Variants in VAV2 observed in about 807,000 individuals in gnomAD.
The protein encoded by VAV2 is vav guanine nucleotide exchange factor 2, also known as guanine nucleotide exchange factor VAV2.
In VAV2, 67 loss-of-function variants were observed where a neutral mutation model predicts 132.5. That is an observed-to-expected ratio of 0.51 (90% confidence interval 0.42 to 0.62). VAV2 has a LOEUF of 0.62. VAV2 is among the 20% of genes least tolerant of loss of function. The pLI, the probability that VAV2 is intolerant of heterozygous loss-of-function variation, is 0.00. For missense variants in VAV2, 938 were observed against 1,153.6 expected (o/e 0.81, Z 2.71); for synonymous variants, 492 against 443.5 (o/e 1.11, Z -1.37).
At chr9:133,771,920 G>A in intron 26 of VAV2, 39 bp downstream of exon 26, 2 of 1,586,454 alleles carry the variant, frequency 1.3e-6, no homozygotes, top group Non-Finnish European at 1.7e-6. Flanking sequence ...TGTCCCCTGT[G>A]GCTGGGGTGG....
chr9:133,818,859 C>T (rs530741938), intron 4 of VAV2, among the ~76,000 whole-genome samples: 1 of 152,220 alleles, frequency 6.6e-6, no homozygotes, highest in East Asian at 1.9e-4. Flanking sequence ...ATGAACGATA[C>T]TCAGCCTCCC....
At chr9:133,892,611 T>C (rs1019976353) in intron 2 of VAV2, among the ~76,000 whole-genome samples, 1 of 152,112 alleles carries the variant, frequency 6.6e-6, no homozygotes, top group Non-Finnish European at 1.5e-5. Flanking sequence ...CCGTCCCTCC[T>C]GGGTCTCCGT....
intron 2 of VAV2, among the ~76,000 whole-genome samples, chr9:133,920,578 C>T (rs768951602): frequency 6.6e-6 from 1 of 152,162 alleles, no homozygotes; most frequent in Non-Finnish European, 1.5e-5. Context: ...CTGATACCAG[C>T]AGGGGAGGTG....
chr9:133,833,766 G>C lies in VAV2; in HGVS notation c.449+506C>G, dbSNP rs1470735872. Among the ~76,000 whole-genome samples, 1 of 152,128 alleles carries C rather than the reference G, an allele frequency of 6.6e-6. No homozygotes were observed. The highest frequency in any genetic ancestry group is 1.5e-5 in the Non-Finnish European group (1 of 68,000). On this transcript the variant is annotated intron_variant, in intron 4 of 29. Coordinates refer to ENST00000371850, the MANE Select transcript of VAV2 (RefSeq NM_001134398.2). This position sits in a 1 kb window ranked among gnomAD's most constrained non-coding sequence, Gnocchi z 5.6. ...CAGAGAGAGGAATGAGGTGGACACG[G>C]AGAAGAGCAGAGGCGGGTCCACCGA... is the stretch of plus-strand genomic sequence containing the variant.
chr9:133,942,154 C>T (rs1000791446), intron 1 of VAV2, among the ~76,000 whole-genome samples: 2 of 152,082 alleles, frequency 1.3e-5, no homozygotes, highest in African/African-American at 4.8e-5. Context: ...TGTATTTTAC[C>T]ACAATACAAA....
intron 29 of VAV2, among the ~76,000 whole-genome samples, chr9:133,766,921 T>G (rs1833458012): frequency 6.8e-6 from 1 of 148,036 alleles, no homozygotes; most frequent in African/African-American, 2.6e-5. Flanking sequence ...TTCCTTGCAT[T>G]GTCTGGGAAA....
intron 2 of VAV2, among the ~76,000 whole-genome samples, chr9:133,871,727 T>G (rs1044307188): frequency 2.6e-5 from 4 of 152,100 alleles, no homozygotes; most frequent in African/African-American, 9.7e-5. Context: ...CTGACCCTAT[T>G]TTGCCACTGA....
At position 133,912,153 on chromosome 9, in the gene VAV2, G is replaced by T. The variant is rs968597099; in HGVS notation, c.321+26950C>A. Among the ~76,000 whole-genome samples, 1 of 152,206 alleles carries T rather than the reference G, an allele frequency of 6.6e-6. No individual in the cohort carries two copies. Among genetic ancestry groups the T allele is most frequent in the African/African-American group, 2.4e-5 (1 of 41,456 alleles). On this transcript the variant is annotated intron_variant, in intron 2 of 29. Transcript: ENST00000371850. The surrounding 1 kb of genome is among the most constrained non-coding windows in gnomAD (Gnocchi z 4.3). ...GAGCTCAGGACAGCCACCAGCTCCC[G>T]CTGGTGAACTTAGATCAGCTGCGGC... is the stretch of plus-strand genomic sequence containing the variant.
chr9:133,908,119 C>A (rs987856645), intron 2 of VAV2, among the ~76,000 whole-genome samples: 1 of 151,184 alleles, frequency 6.6e-6, no homozygotes, highest in African/African-American at 2.4e-5. Flanking sequence ...CCCCTCCCAC[C>A]AAGCCCCCCT....
In VAV2 at chr9:133,939,187, C is replaced by G; in HGVS notation, c.237G>C (p.Leu79=). 2 of 1,614,222 alleles carry G rather than the reference C, an allele frequency of 1.2e-6. No homozygotes were observed. The highest frequency in any genetic ancestry group is 1.7e-6 in the Non-Finnish European group (2 of 1,180,036). Residue 79 remains leucine, a synonymous_variant, in exon 2 of 30, where the codon CTG becomes CTC. Transcript: ENST00000371850. ...FLCLKNIRTF[L]KVCHDKFGLR... is the part of the protein sequence containing the mutation. The stretch of plus-strand genomic sequence containing the variant: ...ATCCAAATTTATCGTGGCAGACTTT[C>G]AGGAAGGTGCGTATGTTCTTCAAAC...
At chr9:133,791,381 A>G (rs932185851) in intron 13 of VAV2, among the ~76,000 whole-genome samples, 2 of 152,068 alleles carry the variant, frequency 1.3e-5, no homozygotes, top group Non-Finnish European at 2.9e-5. Context: ...GGGAGAGTCA[A>G]GGTGAGGGTG....
At chr9:133,966,567 G>A (rs1000357418) in intron 1 of VAV2, among the ~76,000 whole-genome samples, 3 of 152,160 alleles carry the variant, frequency 2.0e-5, no homozygotes, top group South Asian at 2.1e-4. Context: ...TTAGCCAGGC[G>A]TGGTGGCACG....
chr9:133,944,568 T>G (rs892946410), intron 1 of VAV2, among the ~76,000 whole-genome samples: 3 of 152,210 alleles, frequency 2.0e-5, no homozygotes, highest in African/African-American at 7.2e-5. Context: ...CTGCAGAGCC[T>G]GTGAGGTGTG....
chr9:133,897,093 C>CA (rs1213006699), intron 2 of VAV2, among the ~76,000 whole-genome samples: 19 of 151,062 alleles, frequency 1.3e-4, no homozygotes, highest in African/African-American at 2.4e-4. Flanking sequence ...GACTCCATCT[C>CA]AAAAAAAAAT....
intron 2 of VAV2, among the ~76,000 whole-genome samples, chr9:133,889,776 T>C (rs1838858647): frequency 6.6e-6 from 1 of 152,200 alleles, no homozygotes; most frequent in African/African-American, 2.4e-5. Flanking sequence ...AATTTTTTTC[T>C]TCTCTGTCCC....
chr9:133,777,356 G>A (rs1441130822), intron 23 of VAV2, 33 bp downstream of exon 23: 8 of 1,611,116 alleles, frequency 5.0e-6, no homozygotes, highest in African/African-American at 2.7e-5. Flanking sequence ...CCAGGCCACC[G>A]TGCTCCAGAA....
chr9:133,939,727 C>T (rs1318710014), intron 1 of VAV2, among the ~76,000 whole-genome samples: 2 of 152,240 alleles, frequency 1.3e-5, no homozygotes, highest in Non-Finnish European at 2.9e-5. Flanking sequence ...CACAGGCGTG[C>T]GTACATACAC....
intron 1 of VAV2, among the ~76,000 whole-genome samples, chr9:133,941,741 T>C (rs1481113633): frequency 6.6e-6 from 1 of 151,952 alleles, no homozygotes; most frequent in Non-Finnish European, 1.5e-5. Flanking sequence ...GTAGCTGGGA[T>C]TACAGGCACG....
At chr9:133,777,913 G>A (rs1280015474) in intron 22 of VAV2, among the ~76,000 whole-genome samples, 1 of 152,080 alleles carries the variant, frequency 6.6e-6, no homozygotes, top group Non-Finnish European at 1.5e-5. Flanking sequence ...ACAAACATTC[G>A]GCTCTAATGT....
Sources: gnomAD v4.1 joint callset for allele counts (sites outside exome capture counted in the v4.1 genomes callset) on GRCh38, gnomAD v4.1.1 for gene constraint, Gnocchi (gnomAD v3.1) non-coding constraint, MANE v1.5 for transcripts, NCBI Gene and HGNC (gene_info 2026-07-23, HGNC 2026-07-21) for gene names.